PPARGC1A: variants seen among roughly 807,000 people sequenced by gnomAD.
The protein encoded by PPARGC1A is peroxisome proliferator-activated receptor gamma coactivator 1-alpha.
Under a neutral mutation model 88.7 loss-of-function variants are expected in PPARGC1A, and 25 were observed. The observed-to-expected ratio is 0.28, with a 90% CI of 0.21 to 0.39. The LOEUF is 0.39. Among genes scored for constraint, PPARGC1A ranks in the 10% least tolerant of loss-of-function variants. The pLI is 1.00. For synonymous variants in PPARGC1A, 363 were observed against 355.6 expected (o/e 1.02, Z -0.24); for missense variants, 880 against 968.7 (o/e 0.91, Z 1.22).
the PPARGC1A span, among the ~76,000 whole-genome samples, chr4:24,142,609 G>A: frequency 1.3e-5 from 2 of 152,224 alleles, no homozygotes; most frequent in Admixed American, 6.5e-5. Flanking sequence ...AGGAGGTGGA[G>A]GTTGTAGTGA....
chr4:24,316,519 T>C, the PPARGC1A span, among the ~76,000 whole-genome samples: 1 of 152,222 alleles, frequency 6.6e-6, no homozygotes, highest in African/African-American at 2.4e-5. Flanking sequence ...TAGATATTAA[T>C]ATAAGAATAA....
intron 2 of PPARGC1A, among the ~76,000 whole-genome samples, chr4:23,833,052 G>A (rs1283644427): frequency 6.6e-6 from 1 of 152,126 alleles, no homozygotes; most frequent in African/African-American, 2.4e-5. Context: ...CTGTGCCAGG[G>A]ACATCTGAAG....
chr4:24,030,140 T>TCTTTTAG, the PPARGC1A span, among the ~76,000 whole-genome samples: 1 of 152,206 alleles, frequency 6.6e-6, no homozygotes, highest in Non-Finnish European at 1.5e-5. Flanking sequence ...AGAACTGAAT[T>TCTTTTAG]AACTGCTACA....
At chr4:24,472,048 C>T in the PPARGC1A span, among the ~76,000 whole-genome samples, 19,780 of 152,154 alleles carry the variant, frequency 0.13, 1,518 homozygotes, top group South Asian at 0.17. The surrounding 1 kb of genome is among the most constrained non-coding windows in gnomAD (Gnocchi z 4.5). Context: ...GCTCGAGTTC[C>T]CTGGTTCTGC....
At chr4:23,972,550 G>T in the PPARGC1A span, among the ~76,000 whole-genome samples, 1 of 152,254 alleles carries the variant, frequency 6.6e-6, no homozygotes, top group South Asian at 2.1e-4. Flanking sequence ...AGTGCTTTGT[G>T]AAGCACTAAA....
At chr4:24,324,109 C>A in the PPARGC1A span, among the ~76,000 whole-genome samples, 2 of 152,180 alleles carry the variant, frequency 1.3e-5, no homozygotes, top group Non-Finnish European at 2.9e-5. Context: ...TGATTATACA[C>A]CCACGTTTCA....
the PPARGC1A span, among the ~76,000 whole-genome samples, chr4:24,067,480 A>T: frequency 1.8e-4 from 27 of 152,220 alleles, no homozygotes; most frequent in Non-Finnish European, 2.8e-4. Flanking sequence ...GTTTGGTATC[A>T]TTCCGCGTAT....
chr4:23,851,056 T>G (rs1364203706), intron 2 of PPARGC1A, among the ~76,000 whole-genome samples: 1 of 152,198 alleles, frequency 6.6e-6, no homozygotes, highest in African/African-American at 2.4e-5. Flanking sequence ...TTCAGAAGTT[T>G]CATTACATTC....
At chr4:24,365,870 A>G in the PPARGC1A span, among the ~76,000 whole-genome samples, 2 of 152,198 alleles carry the variant, frequency 1.3e-5, no homozygotes. Context: ...AACAAGCTAT[A>G]GGCAGATGAT....
At chr4:23,993,297 C>A in the PPARGC1A span, among the ~76,000 whole-genome samples, 6 of 152,030 alleles carry the variant, frequency 3.9e-5, no homozygotes, top group Non-Finnish European at 7.4e-5. Context: ...TAATGTCAGA[C>A]AATGACGGAA....
chr4:23,913,246 A>ATATATATATATATATATTATATATTT, the PPARGC1A span, among the ~76,000 whole-genome samples: 13 of 39,858 alleles, frequency 3.3e-4, no homozygotes, highest in African/African-American at 1.1e-3. Flanking sequence ...TATATTTTAT[A>ATATATATATATATATATTATATATTT]TATATATATA....
the PPARGC1A span, among the ~76,000 whole-genome samples, chr4:24,185,207 G>A: frequency 1.3e-5 from 2 of 152,072 alleles, no homozygotes; most frequent in African/African-American, 4.8e-5. Context: ...TGAAACTTGA[G>A]TAATTATGTC....
chr4:24,316,230 C>T, the PPARGC1A span, among the ~76,000 whole-genome samples: 1 of 152,334 alleles, frequency 6.6e-6, no homozygotes, highest in African/African-American at 2.4e-5. Flanking sequence ...GTGTCTGCCA[C>T]AGTGGGTTCT....
At chr4:23,842,672 A>T (rs772967303) in intron 2 of PPARGC1A, among the ~76,000 whole-genome samples, 4 of 152,094 alleles carry the variant, frequency 2.6e-5, no homozygotes, top group Non-Finnish European at 5.9e-5. Context: ...TCCAGTTATG[A>T]CTACCAAAAT....
the PPARGC1A span, among the ~76,000 whole-genome samples, chr4:24,421,373 C>T: frequency 1.3e-5 from 2 of 149,770 alleles, no homozygotes; most frequent in South Asian, 4.2e-4. Flanking sequence ...TGCAGTGGCG[C>T]GATTTCAGCT....
chr4:23,808,897 G>A (rs1469832589), intron 10 of PPARGC1A, among the ~76,000 whole-genome samples: 4 of 151,766 alleles, frequency 2.6e-5, no homozygotes, highest in Admixed American at 6.6e-5. Context: ...TGCAGACAAA[G>A]GTTAAAAAGA....
the PPARGC1A span, among the ~76,000 whole-genome samples, chr4:24,198,386 G>T: frequency 1.3e-5 from 2 of 151,978 alleles, no homozygotes; most frequent in African/African-American, 4.8e-5. Context: ...TGGCTTACAG[G>T]GTCGCTGCTC....
At chr4:24,354,283 G>C in the PPARGC1A span, among the ~76,000 whole-genome samples, 1 of 152,122 alleles carries the variant, frequency 6.6e-6, no homozygotes, top group East Asian at 1.9e-4. Context: ...CATCTCATAA[G>C]GTCTGTAATC....
intron 2 of PPARGC1A, among the ~76,000 whole-genome samples, chr4:23,832,590 A>ATTTCTTTTTCTT (rs71639813): frequency 2.8e-5 from 4 of 145,046 alleles, no homozygotes; most frequent in African/African-American, 1.0e-4. Flanking sequence ...GTGCACTATT[A>ATTTCTTTTTCTT]TTTCTTTTTC....
Sources: allele counts gnomAD v4.1 joint callset (sites outside exome capture counted in the v4.1 genomes callset), GRCh38; gene constraint gnomAD v4.1.1; non-coding constraint Gnocchi (gnomAD v3.1); transcripts MANE v1.5; gene names NCBI Gene and HGNC (gene_info 2026-07-23, HGNC 2026-07-21).